Variants in TNXB observed in about 807,000 individuals in gnomAD.
TNXB encodes tenascin XB.
A neutral mutation model predicts 340.5 loss-of-function variants in TNXB; 183 were observed. The observed-to-expected ratio is 0.54, with a 90% CI of 0.48 to 0.61. TNXB has a LOEUF of 0.61. Among genes scored for constraint, TNXB ranks in the 20% least tolerant of loss-of-function variants. TNXB has a pLI of 0.00. For missense variants in TNXB, 4,613 were observed against 5,446.4 expected, an observed-to-expected ratio of 0.85 and a Z score of 4.82; for synonymous variants, 2,121 against 2,314.5, an observed-to-expected ratio of 0.92 and a Z score of 2.40.
At position 32,046,428 on chromosome 6, in the gene TNXB, G is replaced by A. The variant is rs1278206924; in HGVS notation, c.10353C>T (p.His3451=). 6.3e-7 allele frequency: 1 copy of A among 1,576,672 alleles called. No individual in the cohort carries two copies. ...TAPLEKELPP[H]LGELTVAEET... The stretch of plus-strand genomic sequence containing the variant: ...CCTCAGCCACGGTCAGTTCCCCCAG[G>A]TGGGGAGGTAGCTCCTTCTCCAGGG... Residue 3451 remains histidine, a synonymous_variant, in exon 31 of 44, where the codon CAC becomes CAT. Coordinates refer to ENST00000644971, the MANE Select transcript of TNXB (RefSeq NM_001365276.2). The surrounding 1 kb of genome is among the most constrained non-coding windows in gnomAD (Gnocchi z 6.9).
Position 32,064,750 on chromosome 6 carries a change from C to A in TNXB, c.6841+71G>T. On this transcript the variant is annotated intron_variant, in intron 19 of 43. Transcript: ENST00000644971. This position sits in a 1 kb window ranked among gnomAD's most constrained non-coding sequence, Gnocchi z 5.3. ...TCTCAGGGAAAGTAAAATAAAGCCA[C>A]CAGATACTGACAATAAAAGGGAAAC... 2 of 1,555,130 alleles carry A rather than the reference C, an allele frequency of 1.3e-6. No homozygotes were observed. Among genetic ancestry groups the A allele is most frequent in the Non-Finnish European group, 1.7e-6 (2 of 1,151,236 alleles).
Position 32,048,603 on chromosome 6 carries a change from C to A in TNXB, c.9805G>T (p.Ala3269Ser), listed in dbSNP as rs1353749528. The A allele has an allele frequency of 1.3e-6, 2 of 1,510,972 alleles. No individual in the cohort carries two copies. The highest frequency in any genetic ancestry group is 2.6e-5 in the South Asian group (2 of 75,530). 93.6% of individuals were successfully genotyped at this position (1,510,972 alleles called of 1,614,324 possible). A position where few individuals can be genotyped will look rare whatever the true frequency, so the allele number is the denominator to read the frequency against. ...GAGTCCGAGGTCACGGCCGCCACCG[C>A]CAGCTCCCCCAGGCGGGGCTCCACC... ...LPVEPRLGELAVAAVTSDSVG... is the reference protein window; with the variant it reads ...LPVEPRLGELSVAAVTSDSVG... The change falls in exon 29 of 44, where the codon GCG becomes TCG. Residue 3269 changes from alanine (A) to serine (S), a missense_variant. Physicochemically the swap from Ala to Ser is moderately conservative, Grantham distance 99 (BLOSUM62 1). Around this residue, in one of 7 missense-constraint regions of TNXB, gnomAD observed 4,327 missense variants for 4,859.4 expected, o/e 0.89. Transcript: ENST00000644971.
chr6:32,078,957 G>T, intron 11 of TNXB, 76 bp downstream of exon 11: 1 of 1,477,690 alleles, frequency 6.8e-7, no homozygotes, highest in East Asian at 2.4e-5. Context: ...ACTGGAGCAA[G>T]GAGAGCAACT....
Position 32,087,245 on chromosome 6 carries a change from C to T in TNXB, c.2780-1127G>A. The T allele has an allele frequency of 2.0e-6, 1 of 502,222 alleles. No homozygotes were observed. Among genetic ancestry groups the T allele is most frequent in the Non-Finnish European group, 4.0e-6 (1 of 252,522 alleles). 31.1% of individuals were successfully genotyped at this position (502,222 alleles called of 1,614,324 possible). A position where few individuals can be genotyped will look rare whatever the true frequency, so the allele number is the denominator to read the frequency against. On this transcript the variant is annotated intron_variant, in intron 6 of 43. Coordinates refer to ENST00000644971, the MANE Select transcript of TNXB (RefSeq NM_001365276.2). This position sits in a 1 kb window ranked among gnomAD's most constrained non-coding sequence, Gnocchi z 9.0. Reference sequence around the variant, plus strand: ...ATAGGTGTCCCGTGGCCCCAGCCCACACTACCTGTGGTGGTGATGAAGGCG... The same window carrying T: ...ATAGGTGTCCCGTGGCCCCAGCCCATACTACCTGTGGTGGTGATGAAGGCG...
rs536826858 is a variant in TNXB at position 32,064,081 on chromosome 6, G to A, written c.6841+740C>T. ...CTACCTACCTTCCTCAGAAGGGAAA[G>A]ACTGCAGTTATCTCTCATTGTGTGT... On this transcript the variant is annotated intron_variant, in intron 19 of 43. Transcript: ENST00000644971. The surrounding 1 kb of genome is among the most constrained non-coding windows in gnomAD (Gnocchi z 5.3). 6.6e-6 allele frequency among the ~76,000 whole-genome samples: 1 copy of A among 152,288 alleles called. No individual in the cohort carries two copies. Among genetic ancestry groups the A allele is most frequent in the Admixed American group, 6.5e-5 (1 of 15,306 alleles).
Position 32,047,804 on chromosome 6 carries a change from T to C in TNXB, c.10254A>G (p.Lys3418=), listed in dbSNP as rs1260638042. ...VTVQGLEPSR[K]YRFLLYGLSG... ...ACAGACCATAGAGCAGGAACCTGTATTTCCTACTGGGCTCCAGGCCCTGGA... is the reference window on the plus strand; with the variant it reads ...ACAGACCATAGAGCAGGAACCTGTACTTCCTACTGGGCTCCAGGCCCTGGA... Residue 3418 remains lysine, a synonymous_variant, in exon 30 of 44, where the codon AAA becomes AAG. Transcript: ENST00000644971. The surrounding 1 kb of genome is among the most constrained non-coding windows in gnomAD (Gnocchi z 6.2). 3.1e-6 allele frequency: 5 copies of C among 1,610,768 alleles called. No homozygotes were observed.
At position 32,084,504 on chromosome 6, in the gene TNXB, G is replaced by T. The variant is rs1284261124; in HGVS notation, c.3354C>A (p.Thr1118=). ...VEGPQRSAVI[T]SLDPGRKYKF... The stretch of plus-strand genomic sequence containing the variant: ...TGTACTTGCGGCCAGGATCCAGGGA[G>T]GTGATGACGGCCGAGCGCTGGGGTC... Residue 1118 remains threonine (T), a synonymous_variant, in exon 8 of 44, where the codon ACC becomes ACA. Transcript: ENST00000644971. This position sits in a 1 kb window ranked among gnomAD's most constrained non-coding sequence, Gnocchi z 5.5. The T allele has an allele frequency of 6.2e-7, 1 of 1,609,310 alleles. No homozygotes were observed. Among genetic ancestry groups the T allele is most frequent in the Non-Finnish European group, 8.5e-7 (1 of 1,178,696 alleles).
intron 29 of TNXB, 106 bp from the exon 30 acceptor site, chr6:32,048,118 G>T: frequency 7.3e-7 from 1 of 1,370,818 alleles, no homozygotes; most frequent in Non-Finnish European, 1.0e-6. Context: ...ACGGGAGGGT[G>T]ACTGGGCCAG....
rs369010388 is a variant in TNXB at position 32,095,881 on chromosome 6, C to T, written c.1972G>A (p.Gly658Arg). 5.0e-6 allele frequency: 8 copies of T among 1,612,586 alleles called. No homozygotes were observed. The highest frequency in any genetic ancestry group is 1.1e-5 in the South Asian group (1 of 90,964). Residue 658 changes from glycine (G) to arginine (R), a missense_variant, in exon 3 of 44, where the codon GGA becomes AGA. Transcript: ENST00000644971. The stretch of plus-strand genomic sequence containing the variant: ...ACTCCTTGCACACACCGCCCACGTC[C>T]CCGGCAGTCAGCCGGGCACATGCGG... ...ATRMCPADCR[G>R]RGRCVQGVCL...
In TNXB at chr6:32,082,494, C is replaced by T. The variant is rs547055925; in HGVS notation, c.3446-168G>A. On this transcript the variant is annotated intron_variant, in intron 8 of 43. Transcript: ENST00000644971. The surrounding 1 kb of genome is among the most constrained non-coding windows in gnomAD (Gnocchi z 5.0). ...GAAATCCAGCCAGCACTCTGCTTGC[C>T]GAGCTGTGTGCCCTGGTGAGGAGTG... Among the ~76,000 whole-genome samples the T allele has an allele frequency of 2.6e-5, 4 of 152,266 alleles. No individual in the cohort carries two copies. Among genetic ancestry groups the T allele is most frequent in the Admixed American group, 6.5e-5 (1 of 15,302 alleles).
At position 32,049,135 on chromosome 6, in the gene TNXB, G is replaced by A; in HGVS notation, c.9757+135C>T. On this transcript the variant is annotated intron_variant, in intron 28 of 43. Transcript: ENST00000644971. This position sits in a 1 kb window ranked among gnomAD's most constrained non-coding sequence, Gnocchi z 4.5. The stretch of plus-strand genomic sequence containing the variant: ...ACAGTCTCCATGAATCCAAGGATGA[G>A]GCAGGATCATTAGCAACATGGGAGA... 4.7e-6 allele frequency: 6 copies of A among 1,280,632 alleles called. No homozygotes were observed. Among genetic ancestry groups the A allele is most frequent in the Non-Finnish European group, 5.2e-6 (5 of 956,134 alleles). 79.3% of individuals were successfully genotyped at this position (1,280,632 alleles called of 1,614,324 possible).
At position 32,082,198 on chromosome 6, in the gene TNXB, G is replaced by A. The variant is rs1779505272; in HGVS notation, c.3574C>T (p.Gln1192Ter). The A allele has an allele frequency of 6.2e-7, 1 of 1,612,474 alleles. No homozygotes were observed. The highest frequency in any genetic ancestry group is 1.7e-5 in the Admixed American group (1 of 60,028). ...GGCCGTCCATCCCTGTCCCTGTACT[G>A]GACCATGAAGGTGTCAAACTGGCCC... ...PEGQFDTFMV[Q>*]YRDRDGRPQV... is the part of the protein sequence containing the mutation. Residue 1192 changes from glutamine (Q) to a stop codon, truncating the protein, a stop_gained, in exon 9 of 44, where the codon CAG becomes TAG. Coordinates refer to ENST00000644971, the MANE Select transcript of TNXB (RefSeq NM_001365276.2). LOFTEE classifies it high-confidence loss of function. This position sits in a 1 kb window ranked among gnomAD's most constrained non-coding sequence, Gnocchi z 5.0.
rs1185285200 is a variant in TNXB, at chr6:32,046,998, C to T, written c.10325-542G>A. 2.0e-5 allele frequency among the ~76,000 whole-genome samples: 3 copies of T among 152,256 alleles called. No homozygotes were observed. The highest frequency in any genetic ancestry group is 7.2e-5 in the African/African-American group (3 of 41,472). ...CTTCCCCAGCCCCACACTGACCCCACTGGGCCGGGGCAGCCAGGGTGGGGC... is the reference window on the plus strand; with the variant it reads ...CTTCCCCAGCCCCACACTGACCCCATTGGGCCGGGGCAGCCAGGGTGGGGC... On this transcript the variant is annotated intron_variant, in intron 30 of 43. Coordinates refer to ENST00000644971, the MANE Select transcript of TNXB (RefSeq NM_001365276.2). The surrounding 1 kb of genome is among the most constrained non-coding windows in gnomAD (Gnocchi z 6.9).
intron 4 of TNXB, among the ~76,000 whole-genome samples, chr6:32,093,905 G>A (rs1780193323): frequency 6.6e-6 from 1 of 151,798 alleles, no homozygotes; most frequent in Non-Finnish European, 1.5e-5. Flanking sequence ...GCCTGGGCAT[G>A]CAACATGGAG....
chr6:32,068,335 G>A lies in TNXB; in HGVS notation c.6220+55C>T, dbSNP rs529087204. The A allele has an allele frequency of 1.3e-6, 2 of 1,586,240 alleles. No individual in the cohort carries two copies. The highest frequency in any genetic ancestry group is 2.3e-5 in the East Asian group (1 of 44,442). ...ATTCCCCACCAGTCATCACCAAAGA[G>A]CAAGAGGGTGACCCTCCCATGGCTC... On this transcript the variant is annotated intron_variant, in intron 17 of 43. Coordinates refer to ENST00000644971, the MANE Select transcript of TNXB (RefSeq NM_001365276.2). The surrounding 1 kb of genome is among the most constrained non-coding windows in gnomAD (Gnocchi z 5.3).
intron 18 of TNXB, among the ~76,000 whole-genome samples, chr6:32,066,334 C>T (rs1196394377): frequency 1.3e-5 from 2 of 151,854 alleles, no homozygotes; most frequent in Non-Finnish European, 2.9e-5. Context: ...TCTGGGGCTG[C>T]AGTGAGCTAT....
At position 32,049,679 on chromosome 6, in the gene TNXB, T is replaced by G; in HGVS notation, c.9440-92A>C. 1 of 1,416,752 alleles carries G rather than the reference T, an allele frequency of 7.1e-7. No homozygotes were observed. Among genetic ancestry groups the G allele is most frequent in the South Asian group, 1.4e-5 (1 of 73,570 alleles). The allele number at this position is 1,416,752 out of a possible 1,614,324, so 87.8% of individuals were successfully genotyped here. On this transcript the variant is annotated intron_variant, in intron 27 of 43. Coordinates refer to ENST00000644971, the MANE Select transcript of TNXB (RefSeq NM_001365276.2). This position sits in a 1 kb window ranked among gnomAD's most constrained non-coding sequence, Gnocchi z 4.5. ...AAGCCAAGGCTATGACTGGGGGACC[T>G]GAGGTCATTTCAGAGAAGTCCATTC...
In TNXB at chr6:32,061,777, G is replaced by A. The variant is rs184981038; in HGVS notation, c.7169-57C>T. ...GGTCCCTGGGGGATGTGCTTACGTC[G>A]TGGGGAAAAGGAGGGAGAAGGCTAT... is the stretch of plus-strand genomic sequence containing the variant. On this transcript the variant is annotated intron_variant, in intron 20 of 43. Coordinates refer to ENST00000644971, the MANE Select transcript of TNXB (RefSeq NM_001365276.2). The surrounding 1 kb of genome is among the most constrained non-coding windows in gnomAD (Gnocchi z 4.4). 527 of 1,578,334 alleles carry A rather than the reference G, an allele frequency of 3.3e-4. 7 individuals are homozygous for A. In the East Asian group the frequency reaches 9.9e-3, roughly 30 times the overall value.
Position 32,068,704 on chromosome 6 carries a change from G to C in TNXB, c.5906C>G (p.Pro1969Arg). ...AGGTTCTGAAGGCTTCTCCTCCTCC[G>C]GGACTGGACAGAGACATGGAAAGAG... The part of the protein sequence containing the change: ...GPVHVEALTV[P>R]EEEKPSEPPT... The change falls in exon 17 of 44, where the codon CCG (proline) becomes CGG (arginine). Residue 1969 changes from proline to arginine, a missense_variant. Transcript: ENST00000644971. This position sits in a 1 kb window ranked among gnomAD's most constrained non-coding sequence, Gnocchi z 5.3. The C allele has an allele frequency of 2.5e-6, 4 of 1,612,996 alleles. No individual in the cohort carries two copies. Among genetic ancestry groups the C allele is most frequent in the Non-Finnish European group, 3.4e-6 (4 of 1,179,220 alleles).
Sources: gnomAD v4.1 joint callset for allele counts (sites outside exome capture counted in the v4.1 genomes callset) on GRCh38, gnomAD v4.1.1 for gene constraint, gnomAD v4.1.1 regional missense constraint, Gnocchi (gnomAD v3.1) non-coding constraint, MANE v1.5 for transcripts, NCBI Gene and HGNC (gene_info 2026-07-23, HGNC 2026-07-21) for gene names.